Variants in SGCZ observed in about 807,000 individuals in gnomAD.
SGCZ encodes the protein zeta-sarcoglycan.
In SGCZ, 40 loss-of-function variants were observed where a neutral mutation model predicts 41.3. The observed-to-expected ratio is 0.97, with a 90% CI of 0.75 to 1.26. The LOEUF (loss-of-function observed/expected upper bound fraction) is 1.26, where lower values mean the gene tolerates loss of function less well. SGCZ is among the 50% of genes most tolerant of loss of function. The pLI is 0.00. For missense variants in SGCZ, 552 were observed against 369.8 expected (o/e 1.49, Z -4.04); for synonymous variants, 206 against 137.5 (o/e 1.50, Z -3.49).
chr8:14,211,432 T>A (rs548026804), intron 4 of SGCZ, among the ~76,000 whole-genome samples: 1 of 152,288 alleles, frequency 6.6e-6, no homozygotes, highest in Non-Finnish European at 1.5e-5. Flanking sequence ...AGGCGAGACA[T>A]CTTATGAACA....
chr8:14,389,887 A>C (rs1035191190), intron 2 of SGCZ, among the ~76,000 whole-genome samples: 1 of 152,030 alleles, frequency 6.6e-6, no homozygotes, highest in Non-Finnish European at 1.5e-5. Flanking sequence ...CTAATTGTAA[A>C]GCACTGACCA....
At chr8:14,553,401 C>G (rs1456033561) in intron 2 of SGCZ, among the ~76,000 whole-genome samples, 1 of 152,082 alleles carries the variant, frequency 6.6e-6, no homozygotes, top group Non-Finnish European at 1.5e-5. Context: ...ATATCCATGT[C>G]TAGGCAACAG....
chr8:14,473,806 C>T (rs960874334), intron 2 of SGCZ, among the ~76,000 whole-genome samples: 1 of 151,696 alleles, frequency 6.6e-6, no homozygotes. Flanking sequence ...GGCGTGGTGG[C>T]GGGCACGCGT....
chr8:14,573,746 T>C (rs1461657351), intron 1 of SGCZ, among the ~76,000 whole-genome samples: 1 of 152,152 alleles, frequency 6.6e-6, no homozygotes, highest in Non-Finnish European at 1.5e-5. Flanking sequence ...TAATGAAAAA[T>C]ATTCAACGAA....
chr8:14,784,913 A>AATATATATATATATAT (rs1554499020), intron 1 of SGCZ, among the ~76,000 whole-genome samples: 6 of 88,038 alleles, frequency 6.8e-5, no homozygotes, highest in African/African-American at 2.3e-4. Flanking sequence ...AAAAAAAAAA[A>AATATATATATATATAT]ATATATATAT....
At chr8:14,624,637 C>G (rs570532032) in intron 1 of SGCZ, among the ~76,000 whole-genome samples, 2 of 129,946 alleles carry the variant, frequency 1.5e-5, no homozygotes, top group South Asian at 5.1e-4. Flanking sequence ...GTTGTGTGAT[C>G]TCGGCTCACT....
intron 1 of SGCZ, among the ~76,000 whole-genome samples, chr8:15,221,638 C>T (rs1801605862): frequency 6.6e-6 from 1 of 152,104 alleles, no homozygotes; most frequent in South Asian, 2.1e-4. Flanking sequence ...TGAAGGATTC[C>T]TACTGTTATG....
At chr8:14,432,137 C>T (rs945032170) in intron 2 of SGCZ, among the ~76,000 whole-genome samples, 5 of 152,122 alleles carry the variant, frequency 3.3e-5, no homozygotes, top group African/African-American at 1.2e-4. Flanking sequence ...CTTTGAAGAA[C>T]TAAAAGTAGA....
At chr8:14,260,184 C>A (rs1334866700) in intron 3 of SGCZ, among the ~76,000 whole-genome samples, 5 of 151,918 alleles carry the variant, frequency 3.3e-5, no homozygotes, top group Non-Finnish European at 5.9e-5. Context: ...AGAAAATTTT[C>A]GCAACCTACT....
chr8:15,022,925 G>C (rs184198152), intron 1 of SGCZ, among the ~76,000 whole-genome samples: 1 of 152,170 alleles, frequency 6.6e-6, no homozygotes, highest in Non-Finnish European at 1.5e-5. Flanking sequence ...GTGTGTGGCA[G>C]AACCTCACAT....
intron 1 of SGCZ, among the ~76,000 whole-genome samples, chr8:14,557,229 CT>C (rs528086692): frequency 1.3e-5 from 2 of 148,726 alleles, no homozygotes; most frequent in African/African-American, 2.5e-5. Flanking sequence ...ATTTGTATAT[CT>C]TTTTTTTGAG....
intron 1 of SGCZ, among the ~76,000 whole-genome samples, chr8:14,804,127 G>GA (rs1160884761): frequency 2.3e-5 from 2 of 86,170 alleles, no homozygotes; most frequent in African/African-American, 1.2e-4. Context: ...CAAAGATGGG[G>GA]AAAAAACAGA....
At chr8:14,474,008 G>T (rs1300147005) in intron 2 of SGCZ, among the ~76,000 whole-genome samples, 1 of 151,608 alleles carries the variant, frequency 6.6e-6, no homozygotes, top group Non-Finnish European at 1.5e-5. Flanking sequence ...AGTTTTAATT[G>T]CCAAATTTTG....
intron 1 of SGCZ, among the ~76,000 whole-genome samples, chr8:14,649,305 G>C (rs1807322725): frequency 6.6e-6 from 1 of 152,122 alleles, no homozygotes; most frequent in African/African-American, 2.4e-5. Flanking sequence ...GAGCAACTAA[G>C]TATATCCATG....
chr8:15,093,311 T>C (rs1806218833), intron 1 of SGCZ, among the ~76,000 whole-genome samples: 1 of 152,226 alleles, frequency 6.6e-6, no homozygotes, highest in Non-Finnish European at 1.5e-5. Flanking sequence ...TTTGTACTTC[T>C]CATCAGGAAT....
intron 1 of SGCZ, 29 bp from the exon 2 acceptor site, chr8:14,554,955 A>G (rs1217621490): frequency 6.6e-7 from 1 of 1,508,214 alleles, no homozygotes; most frequent in Non-Finnish European, 8.9e-7. Context: ...AGAAAGAGAA[A>G]GAAGGAAAAA....
At chr8:14,854,872 G>C (rs924270614) in intron 1 of SGCZ, among the ~76,000 whole-genome samples, 3 of 151,566 alleles carry the variant, frequency 2.0e-5, no homozygotes, top group Admixed American at 6.6e-5. Flanking sequence ...GACATCAAAG[G>C]CTGCACTGCC....
At chr8:14,332,591 G>C (rs1802373949) in intron 2 of SGCZ, 1 of 152,046 alleles carries the variant, frequency 6.6e-6, no homozygotes, top group Non-Finnish European at 1.5e-5. Flanking sequence ...TCAATTGATT[G>C]TTCACAGTCA....
intron 6 of SGCZ, 103 bp downstream of exon 6, chr8:14,108,060 A>G (rs117754749): frequency 0.021 from 17,586 of 830,440 alleles, 258 homozygotes; most frequent in Middle Eastern, 0.042. Context: ...TTTTAAGTAT[A>G]TTGGGAGAAA....
Sources: allele counts gnomAD v4.1 joint callset (sites outside exome capture counted in the v4.1 genomes callset), GRCh38; gene constraint gnomAD v4.1.1; transcripts MANE v1.5; gene names NCBI Gene and HGNC (gene_info 2026-07-23, HGNC 2026-07-21).